The following PLCB1 variants were observed in gnomAD, a reference collection of about 807,000 sequenced individuals.
The protein encoded by PLCB1 is phospholipase C beta 1.
A neutral mutation model predicts 161.8 loss-of-function variants in PLCB1; 46 were observed. The ratio of observed to expected loss-of-function variants is 0.28; its 90% confidence interval spans 0.22 to 0.36. The LOEUF (loss-of-function observed/expected upper bound fraction) is 0.36. Ranked by LOEUF, PLCB1 falls within the 10% of genes least tolerant of loss-of-function variation. The probability of loss-of-function intolerance (pLI) is 1.00; values close to 1 mark genes in which losing one functional copy is unlikely to be tolerated. For missense variants in PLCB1, 1,016 were observed against 1,472.5 expected (o/e 0.69, Z 5.07); for synonymous variants, 517 against 503.7 (o/e 1.03, Z -0.35).
intron 31 of PLCB1, among the ~76,000 whole-genome samples, chr20:8,822,692 C>T (rs1247602941): frequency 2.6e-5 from 4 of 152,188 alleles, no homozygotes; most frequent in Non-Finnish European, 5.9e-5. Context: ...ACAATAGTCC[C>T]TCATCTTCCT....
intron 2 of PLCB1, among the ~76,000 whole-genome samples, chr20:8,304,636 T>C (rs565375262): frequency 6.6e-6 from 1 of 150,534 alleles, no homozygotes; most frequent in South Asian, 2.1e-4. Context: ...TGAGAGTGCT[T>C]TGTGTGTGTG....
chr20:8,636,429 G>GA (rs2123248551), intron 4 of PLCB1, among the ~76,000 whole-genome samples: 1 of 152,304 alleles, frequency 6.6e-6, no homozygotes, highest in South Asian at 2.1e-4. Flanking sequence ...TCTACATTCT[G>GA]CACATTTTGG....
intron 3 of PLCB1, among the ~76,000 whole-genome samples, chr20:8,377,753 A>T (rs1218248239): frequency 2.0e-5 from 3 of 152,194 alleles, no homozygotes; most frequent in Non-Finnish European, 4.4e-5. Context: ...TCCTCAGATA[A>T]GAAGGAAGGA....
Position 8,528,090 on chromosome 20 carries a change from A to G in PLCB1, c.247-100204A>G, listed in dbSNP as rs186639862. Among the ~76,000 whole-genome samples the G allele has an allele frequency of 3.3e-5, 5 of 152,244 alleles. No homozygotes were observed. The East Asian group carries it at 9.7e-4, about 29-fold the overall frequency. ...CCAAAATTATGCAGTCATCAAGAATAACTACATTATGTAAAATGGTGCAGC... is the reference window on the plus strand; with the variant it reads ...CCAAAATTATGCAGTCATCAAGAATGACTACATTATGTAAAATGGTGCAGC... On this transcript the variant is annotated intron_variant, in intron 3 of 31. Coordinates refer to ENST00000338037, the MANE Select transcript of PLCB1 (RefSeq NM_015192.4).
intron 4 of PLCB1, among the ~76,000 whole-genome samples, chr20:8,635,725 T>G (rs1257389224): frequency 6.6e-6 from 1 of 152,166 alleles, no homozygotes; most frequent in African/African-American, 2.4e-5. Context: ...GAGAGGGGAA[T>G]TTCTTTTAAG....
intron 31 of PLCB1, among the ~76,000 whole-genome samples, chr20:8,848,778 T>C (rs1986784152): frequency 6.6e-6 from 1 of 152,240 alleles, no homozygotes; most frequent in Non-Finnish European, 1.5e-5. Flanking sequence ...ACTCTCTTTG[T>C]AGCAGGTTCC....
At chr20:8,876,260 G>C (rs1010143361) in intron 31 of PLCB1, among the ~76,000 whole-genome samples, 1 of 152,098 alleles carries the variant, frequency 6.6e-6, no homozygotes, top group African/African-American at 2.4e-5. Context: ...AAATTTAGAG[G>C]TTAAATTCAA....
intron 3 of PLCB1, among the ~76,000 whole-genome samples, chr20:8,459,792 A>G (rs772602231): frequency 3.9e-5 from 6 of 152,232 alleles, no homozygotes; most frequent in Non-Finnish European, 7.3e-5. Context: ...ACCGCTTTGC[A>G]TGGTACAACC....
At position 8,760,475 on chromosome 20, in the gene PLCB1, TTCCC is replaced by T. The variant is rs1340469958; in HGVS notation, c.2710+16_2710+19del. On this transcript the variant is annotated intron_variant, in intron 25 of 31. Coordinates refer to ENST00000338037, the MANE Select transcript of PLCB1 (RefSeq NM_015192.4). ...TGTCTTAACAGGTAAATGCCACCCT[TTCCC>T]CCCATGGAATTAAGCAGCTCAGTGT... 6.3e-7 allele frequency: 1 copy of T among 1,599,200 alleles called. No homozygotes were observed. Among genetic ancestry groups the T allele is most frequent in the Non-Finnish European group, 8.6e-7 (1 of 1,166,994 alleles).
chr20:8,671,372 C>T (rs1242692511), intron 9 of PLCB1, among the ~76,000 whole-genome samples: 1 of 152,144 alleles, frequency 6.6e-6, no homozygotes, highest in South Asian at 2.1e-4. Context: ...CTCATGTTGG[C>T]ATGACAAGTT....
chr20:8,733,128 A>AAGGG, intron 18 of PLCB1, 110 bp from the exon 19 acceptor site: 1 of 1,076,098 alleles, frequency 9.3e-7, no homozygotes, highest in Admixed American at 2.0e-5. Context: ...ACTCTCTTCC[A>AAGGG]AGGGAATACA....
chr20:8,697,086 C>T (rs1031013313), intron 10 of PLCB1, among the ~76,000 whole-genome samples: 1 of 152,140 alleles, frequency 6.6e-6, no homozygotes, highest in African/African-American at 2.4e-5. Flanking sequence ...TTTAGCTTTT[C>T]TCAGCATTTG....
At chr20:8,502,060 T>C (rs1303061592) in intron 3 of PLCB1, among the ~76,000 whole-genome samples, 9 of 151,728 alleles carry the variant, frequency 5.9e-5, no homozygotes. Flanking sequence ...TTCATTTCAT[T>C]TGTTAAATGT....
At chr20:8,790,759 G>A (rs959087252) in intron 31 of PLCB1, among the ~76,000 whole-genome samples, 1 of 152,116 alleles carries the variant, frequency 6.6e-6, no homozygotes, top group African/African-American at 2.4e-5. Context: ...CAGTTGATTG[G>A]GGCTCTGCTT....
chr20:8,803,572 T>C (rs1427582665), intron 31 of PLCB1, among the ~76,000 whole-genome samples: 1 of 152,086 alleles, frequency 6.6e-6, no homozygotes, highest in Non-Finnish European at 1.5e-5. Context: ...TATTACCTTG[T>C]AATGAAGGCC....
intron 25 of PLCB1, 78 bp downstream of exon 25, chr20:8,760,538 T>C: frequency 1.1e-6 from 1 of 947,450 alleles, no homozygotes. Flanking sequence ...AGAGGAAATT[T>C]CCATTCATAT....
chr20:8,132,581 CCCGCGCCCCGCGCA>C lies in PLCB1; in HGVS notation c.-69_-56del. 9.0e-6 allele frequency: 9 copies of C among 1,002,934 alleles called. No individual in the cohort carries two copies. Among genetic ancestry groups the C allele is most frequent in the Non-Finnish European group, 1.2e-5 (9 of 724,830 alleles). 62.1% of individuals were successfully genotyped at this position (1,002,934 alleles called of 1,614,324 possible). ...AGAGAAAGGAGCCCGCGCCCCGCGC[CCCGCGCCCCGCGCA>C]CGGTCCCCAGTCCCTGCCGCGCTCG... On this transcript the variant is annotated 5_prime_UTR_variant, in exon 1 of 32. Coordinates refer to ENST00000338037, the MANE Select transcript of PLCB1 (RefSeq NM_015192.4). The surrounding 1 kb of genome is among the most constrained non-coding windows in gnomAD (Gnocchi z 5.2).
intron 27 of PLCB1, among the ~76,000 whole-genome samples, chr20:8,787,032 A>G (rs779784084): frequency 7.9e-5 from 12 of 152,186 alleles, no homozygotes; most frequent in Admixed American, 1.3e-4. Flanking sequence ...ACTAGGCCTG[A>G]CATATAGAAA....
chr20:8,711,268 G>C (rs1035710190), intron 12 of PLCB1, among the ~76,000 whole-genome samples: 2 of 152,320 alleles, frequency 1.3e-5, no homozygotes, highest in Non-Finnish European at 1.5e-5. Context: ...CAGACAACGA[G>C]AGCATCCACC....
Sources: gnomAD v4.1 joint callset for allele counts (sites outside exome capture counted in the v4.1 genomes callset) on GRCh38, gnomAD v4.1.1 for gene constraint, Gnocchi (gnomAD v3.1) non-coding constraint, MANE v1.5 for transcripts, NCBI Gene and HGNC (gene_info 2026-07-23, HGNC 2026-07-21) for gene names.